GINS2: variants seen among roughly 807,000 people sequenced by gnomAD.
GINS2 encodes the protein DNA replication complex GINS protein PSF2.
In GINS2, 23 loss-of-function variants were observed where a neutral mutation model predicts 21.2. The observed-to-expected ratio is 1.08, with a 90% CI of 0.78 to 1.53. The LOEUF is 1.53. GINS2 is among the 40% of genes most tolerant of loss of function. The probability of loss-of-function intolerance (pLI) is 0.00; values close to 1 mark genes in which losing one functional copy is unlikely to be tolerated. For synonymous variants in GINS2, 118 were observed against 85.6 expected, an observed-to-expected ratio of 1.38 and a Z score of -2.09; for missense variants, 323 against 233.9, an observed-to-expected ratio of 1.38 and a Z score of -2.49.
chr16:85,687,302 A>T (rs898215549), intron 2 of GINS2, among the ~76,000 whole-genome samples, 158 bp downstream of exon 2: 7 of 152,274 alleles, frequency 4.6e-5, no homozygotes, highest in African/African-American at 1.7e-4. Flanking sequence ...CTGAGAGGTG[A>T]ATCTGGAAGT....
chr16:85,681,788 T>C (rs948390108), intron 2 of GINS2, 107 bp from the exon 3 acceptor site: 1 of 659,352 alleles, frequency 1.5e-6, no homozygotes, highest in Non-Finnish European at 2.6e-6. Flanking sequence ...CATTATCAAC[T>C]AGCAAATACA....
chr16:85,680,273 C>T (rs1012831274), intron 3 of GINS2, among the ~76,000 whole-genome samples: 5 of 152,220 alleles, frequency 3.3e-5, no homozygotes, highest in Non-Finnish European at 5.9e-5. Context: ...AGCCTAAGCA[C>T]AAGCCCATGT....
At chr16:85,685,501 TA>T (rs67378379) in intron 2 of GINS2, among the ~76,000 whole-genome samples, 168 of 138,780 alleles carry the variant, frequency 1.2e-3, no homozygotes, top group Non-Finnish European at 1.3e-3. Context: ...CCATCTCCAC[TA>T]AAAAAAAAAA....
intron 3 of GINS2, among the ~76,000 whole-genome samples, chr16:85,678,901 G>A (rs1194657545): frequency 6.6e-6 from 1 of 152,194 alleles, no homozygotes; most frequent in Non-Finnish European, 1.5e-5. Flanking sequence ...CTGCTGAACA[G>A]GACTGCTGTT....
chr16:85,682,143 C>A (rs986717763), intron 2 of GINS2, among the ~76,000 whole-genome samples: 1 of 150,852 alleles, frequency 6.6e-6, no homozygotes, highest in African/African-American at 2.4e-5. Context: ...CCTCCCGCCT[C>A]AGCCTCCCAA....
intron 2 of GINS2, among the ~76,000 whole-genome samples, chr16:85,686,286 C>T (rs138576237): frequency 4.6e-5 from 7 of 152,148 alleles, no homozygotes; most frequent in South Asian, 4.2e-4. Flanking sequence ...AGCGTGGTAG[C>T]GGGCGCCTGT....
At chr16:85,678,705 G>A in intron 3 of GINS2, 39 bp from the exon 4 acceptor site, 2 of 1,598,512 alleles carry the variant, frequency 1.3e-6, no homozygotes, top group Non-Finnish European at 1.7e-6. Flanking sequence ...GGGAACACTT[G>A]ATAACCTGAG....
intron 2 of GINS2, among the ~76,000 whole-genome samples, chr16:85,686,396 C>A (rs982697135): frequency 1.3e-5 from 2 of 148,496 alleles, no homozygotes; most frequent in African/African-American, 5.0e-5. Flanking sequence ...CCAGCCTGGG[C>A]GACAGAGCGA....
intron 4 of GINS2, 74 bp downstream of exon 4, chr16:85,678,466 A>G (rs2053704092): frequency 6.4e-7 from 1 of 1,571,390 alleles, no homozygotes; most frequent in Non-Finnish European, 8.7e-7. Flanking sequence ...TGCCTGTAAT[A>G]GCCTCAGCAG....
rs1272651837 is a variant in GINS2, at chr16:85,677,152, T to A, written c.*1060A>T. Reference sequence around the variant, plus strand: ...TCCCAAAGTGCTGGGATTACATGCATGAGCCAAGCCAATGTGCCCGGCCAA... The same window carrying A: ...TCCCAAAGTGCTGGGATTACATGCAAGAGCCAAGCCAATGTGCCCGGCCAA... On this transcript the variant is annotated 3_prime_UTR_variant, in exon 5 of 5. Transcript: ENST00000253462. 2 of 152,154 alleles carry A rather than the reference T, an allele frequency of 1.3e-5. No individual in the cohort carries two copies. Among genetic ancestry groups the A allele is most frequent in the Non-Finnish European group, 2.9e-5 (2 of 68,038 alleles). The allele number at this position is 152,154 out of a possible 1,614,324, so 9.4% of individuals were successfully genotyped here.
Position 85,676,745 on chromosome 16 carries a change from T to A in GINS2, c.*1467A>T, listed in dbSNP as rs1189732633. 2 of 152,226 alleles carry A rather than the reference T, an allele frequency of 1.3e-5. No homozygotes were observed. The highest frequency in any genetic ancestry group is 2.9e-5 in the Non-Finnish European group (2 of 68,064). The allele number at this position is 152,226 out of a possible 1,614,324, so 9.4% of individuals were successfully genotyped here. On this transcript the variant is annotated 3_prime_UTR_variant, in exon 5 of 5. Transcript: ENST00000253462. The stretch of plus-strand genomic sequence containing the variant: ...CGGCTCATGCTTGCAATCCCAGTGC[T>A]TTGGGAGGCTGTGGTGGGAGAACTG...
Position 85,678,206 on chromosome 16 carries a change from CT to C in GINS2, c.*5del, listed in dbSNP as rs1195426650. On this transcript the variant is annotated 3_prime_UTR_variant, in exon 5 of 5. Transcript: ENST00000253462. ...CCCCAGCAAGCCGCCTGCACCAGGCCTTTCTCTAGAAGTCCTGAGACTGAGT... is the reference window on the plus strand; with the variant it reads ...CCCCAGCAAGCCGCCTGCACCAGGCCTTCTCTAGAAGTCCTGAGACTGAGT... 6.2e-7 allele frequency: 1 copy of C among 1,612,728 alleles called. No individual in the cohort carries two copies. Among genetic ancestry groups the C allele is most frequent in the Non-Finnish European group, 8.5e-7 (1 of 1,179,842 alleles).
intron 2 of GINS2, among the ~76,000 whole-genome samples, chr16:85,684,189 C>G (rs1567792292): frequency 2.6e-5 from 4 of 152,156 alleles, no homozygotes; most frequent in Admixed American, 2.6e-4. Context: ...TAAAAATTAG[C>G]TGAATGTGAT....
chr16:85,681,643 C>T lies in GINS2; in HGVS notation c.244G>A (p.Glu82Lys), dbSNP rs1567791376. 4 of 1,612,658 alleles carry T rather than the reference C, an allele frequency of 2.5e-6. No homozygotes were observed. The highest frequency in any genetic ancestry group is 3.4e-6 in the Non-Finnish European group (4 of 1,178,748). ...EKMRDHERKE[E>K]TFTPMPSPYY... The stretch of plus-strand genomic sequence containing the variant: ...GGGCTGGGCATTGGGGTAAAAGTTT[C>T]TTCCTTTCGTTCATGATCCCTCATC... The change falls in exon 3 of 5, where the codon GAA (glutamate) becomes AAA (lysine). Residue 82 changes from glutamate (E) to lysine (K), a missense_variant. Physicochemically the swap from Glu to Lys is moderately conservative, Grantham distance 56. Coordinates refer to ENST00000253462, the MANE Select transcript of GINS2 (RefSeq NM_016095.3).
chr16:85,687,598 C>A, intron 1 of GINS2, 24 bp from the exon 2 acceptor site: 3 of 1,373,706 alleles, frequency 2.2e-6, no homozygotes, highest in Non-Finnish European at 3.0e-6. Flanking sequence ...AACAATTCCC[C>A]GTAAGATTGA....
intron 2 of GINS2, among the ~76,000 whole-genome samples, chr16:85,683,804 C>T (rs1444317696): frequency 2.0e-5 from 3 of 152,228 alleles, no homozygotes; most frequent in Non-Finnish European, 4.4e-5. Flanking sequence ...TGAAACACCT[C>T]TGGTCCAACT....
Position 85,677,321 on chromosome 16 carries a change from AG to A in GINS2, c.*890del, listed in dbSNP as rs1412108412. On this transcript the variant is annotated 3_prime_UTR_variant, in exon 5 of 5. Transcript: ENST00000253462. ...GCTACGAATAAAGTAATTTTCTCTT[AG>A]GAAAAAAATAATTTCCCCTGAGCCC... 2.0e-5 allele frequency: 3 copies of A among 152,242 alleles called. No individual in the cohort carries two copies. Among genetic ancestry groups the A allele is most frequent in the Non-Finnish European group, 4.4e-5 (3 of 68,038 alleles). The allele number at this position is 152,242 out of a possible 1,614,324, so 9.4% of individuals were successfully genotyped here.
At chr16:85,685,130 C>A (rs948599236) in intron 2 of GINS2, among the ~76,000 whole-genome samples, 5 of 152,176 alleles carry the variant, frequency 3.3e-5, no homozygotes, top group Non-Finnish European at 7.3e-5. Flanking sequence ...AGTCAGGAGG[C>A]AGCAGGCTGT....
Position 85,677,112 on chromosome 16 carries a change from C to T in GINS2, c.*1100G>A, listed in dbSNP as rs1045472787. The T allele has an allele frequency of 6.6e-6, 1 of 151,854 alleles. No individual in the cohort carries two copies. Among genetic ancestry groups the T allele is most frequent in the Non-Finnish European group, 1.5e-5 (1 of 67,984 alleles). 9.4% of individuals were successfully genotyped at this position (151,854 alleles called of 1,614,324 possible). Reference sequence around the variant, plus strand: ...AGTCTCAATCTCCTGGCCTTGTGATCCACCTGCCTTGGCCTCCCAAAGTGC... The same window carrying T: ...AGTCTCAATCTCCTGGCCTTGTGATTCACCTGCCTTGGCCTCCCAAAGTGC... On this transcript the variant is annotated 3_prime_UTR_variant, in exon 5 of 5. Transcript: ENST00000253462.
Sources: gnomAD v4.1 joint callset for allele counts (sites outside exome capture counted in the v4.1 genomes callset) on GRCh38, gnomAD v4.1.1 for gene constraint, MANE v1.5 for transcripts, NCBI Gene and HGNC (gene_info 2026-07-23, HGNC 2026-07-21) for gene names.